The following CERS3 variants were observed in gnomAD, a reference collection of about 807,000 sequenced individuals.
CERS3 encodes the protein ceramide synthase 3.
Under a neutral mutation model 50.3 loss-of-function variants are expected in CERS3, and 33 were observed. That is an observed-to-expected ratio of 0.66 (90% confidence interval 0.50 to 0.88). CERS3 has a LOEUF of 0.88. Ranked by LOEUF, CERS3 falls within the 40% of genes least tolerant of loss-of-function variation. The probability of loss-of-function intolerance (pLI) is 0.00; values close to 1 mark genes in which losing one functional copy is unlikely to be tolerated. For synonymous variants in CERS3, 176 were observed against 155.2 expected, an observed-to-expected ratio of 1.13 and a Z score of -0.99; for missense variants, 470 against 460.3, an observed-to-expected ratio of 1.02 and a Z score of -0.19.
At chr15:100,516,306 C>T (rs890512702) in intron 2 of CERS3, among the ~76,000 whole-genome samples, 16 of 152,194 alleles carry the variant, frequency 1.1e-4, no homozygotes, top group Admixed American at 6.5e-4. Context: ...TGCCTAAAAA[C>T]TTTCGAGAGA....
Position 100,477,668 on chromosome 15 carries a change from C to T in CERS3, c.517-1490G>A, listed in dbSNP as rs368574371. On this transcript the variant is annotated intron_variant, in intron 7 of 11. Coordinates refer to ENST00000679737, the MANE Select transcript of CERS3 (RefSeq NM_001378789.1). The stretch of plus-strand genomic sequence containing the variant: ...ATACATATCATAAATTCTGCATATG[C>T]CAGTTTATAAGCAGTATGGAGCCCA... Among the ~76,000 whole-genome samples, 41 of 152,210 alleles carry T rather than the reference C, an allele frequency of 2.7e-4. No individual in the cohort carries two copies. The South Asian group carries it at 7.9e-3, about 29-fold the overall frequency.
At position 100,402,596 on chromosome 15, in the gene CERS3, G is replaced by T; in HGVS notation, c.*117C>A. 1.0e-6 allele frequency: 1 copy of T among 957,104 alleles called. No individual in the cohort carries two copies. The highest frequency in any genetic ancestry group is 1.5e-6 in the Non-Finnish European group (1 of 645,894). 59.3% of individuals were successfully genotyped at this position (957,104 alleles called of 1,614,324 possible). On this transcript the variant is annotated 3_prime_UTR_variant, in exon 12 of 12. Transcript: ENST00000679737. The stretch of plus-strand genomic sequence containing the variant: ...TGGTAAACACATCTTAGGTGGGAGG[G>T]AAGGCGGTGGTGAGAAAGAGGGAAG...
chr15:100,446,271 T>C (rs908821488), intron 11 of CERS3, among the ~76,000 whole-genome samples: 1 of 104,328 alleles, frequency 9.6e-6, no homozygotes, highest in Non-Finnish European at 1.9e-5. Flanking sequence ...TCAATGAAAG[T>C]TTTTTTTTTT....
chr15:100,494,205 C>T (rs1167650575), intron 3 of CERS3, among the ~76,000 whole-genome samples: 1 of 112,730 alleles, frequency 8.9e-6, no homozygotes, highest in African/African-American at 3.7e-5. Context: ...CACCTTTTTT[C>T]TTTTCATATA....
intron 8 of CERS3, among the ~76,000 whole-genome samples, chr15:100,474,695 G>A (rs183433847): frequency 1.1e-4 from 16 of 152,320 alleles, no homozygotes; most frequent in Admixed American, 7.8e-4. Context: ...GAGCCTCTGC[G>A]CCCAGCCTCA....
At chr15:100,445,044 C>T (rs1333825488) in intron 11 of CERS3, among the ~76,000 whole-genome samples, 1 of 151,790 alleles carries the variant, frequency 6.6e-6, no homozygotes, top group Non-Finnish European at 1.5e-5. Flanking sequence ...ACATACCTCA[C>T]CAAGCTCAGC....
upstream of CERS3, among the ~76,000 whole-genome samples, chr15:100,533,281 T>A (rs1472810236): frequency 2.0e-5 from 3 of 152,088 alleles, no homozygotes; most frequent in Non-Finnish European, 4.4e-5. Context: ...CTTATCTGCC[T>A]CTCCCCCACG....
chr15:100,436,795 T>C (rs982251681), intron 11 of CERS3, among the ~76,000 whole-genome samples: 5 of 152,116 alleles, frequency 3.3e-5, no homozygotes, highest in African/African-American at 1.2e-4. Context: ...AACATCCTAG[T>C]ATACTGTTTT....
At chr15:100,521,944 C>A (rs982702678) in intron 1 of CERS3, among the ~76,000 whole-genome samples, 188 bp from the exon 2 acceptor site, 1 of 152,140 alleles carries the variant, frequency 6.6e-6, no homozygotes, top group Non-Finnish European at 1.5e-5. Flanking sequence ...TGAGCCAACA[C>A]TGAAAATTCA....
At position 100,479,496 on chromosome 15, in the gene CERS3, A is replaced by T. The variant is rs774068070; in HGVS notation, c.466-18T>A. On this transcript the variant is annotated intron_variant, in intron 6 of 11. Coordinates refer to ENST00000679737, the MANE Select transcript of CERS3 (RefSeq NM_001378789.1). ...CAAGGTTTCTGAAAGAAGAAAAAAA[A>T]AAAGAGCCAACAGATGAGAAATAAA... is the stretch of plus-strand genomic sequence containing the variant. 2.5e-6 allele frequency: 4 copies of T among 1,584,530 alleles called. No individual in the cohort carries two copies. Among genetic ancestry groups the T allele is most frequent in the Non-Finnish European group, 3.4e-6 (4 of 1,170,626 alleles).
chr15:100,404,125 C>A (rs2030788494), intron 11 of CERS3, among the ~76,000 whole-genome samples: 1 of 152,192 alleles, frequency 6.6e-6, no homozygotes, highest in South Asian at 2.1e-4. Context: ...AAGCTAGAAG[C>A]AGCAAAGAAC....
At position 100,405,385 on chromosome 15, in the gene CERS3, C is replaced by G. The variant is rs544534037; in HGVS notation, c.1000-2520G>C. Among the ~76,000 whole-genome samples the G allele has an allele frequency of 4.2e-3, 645 of 152,110 alleles. 3 individuals carry two copies. Among genetic ancestry groups the G allele is most frequent in the Non-Finnish European group, 5.9e-3 (401 of 67,976 alleles). On this transcript the variant is annotated intron_variant, in intron 11 of 11. Transcript: ENST00000679737. Reference sequence around the variant, plus strand: ...GTCATTAGGAAAATGCAAATGGAAACCATGATGATGTACAACTACAAACCC... The same window carrying G: ...GTCATTAGGAAAATGCAAATGGAAAGCATGATGATGTACAACTACAAACCC...
In CERS3 at chr15:100,466,823, C is replaced by CT. The variant is rs1292941305; in HGVS notation, c.845+2554_845+2555insA. 2.8e-4 allele frequency among the ~76,000 whole-genome samples: 18 copies of CT among 65,386 alleles called. 2 individuals carry two copies. Among genetic ancestry groups the CT allele is most frequent in the Non-Finnish European group, 3.2e-4 (11 of 34,046 alleles). 42.9% of individuals were successfully genotyped at this position (65,386 alleles called of 152,430 possible). ...TCCCTCCCTCCCTCCCTCCCTCTCTCCCTCTCTCCCTCTCTCCCTCTCTCT... is the reference window on the plus strand; with the variant it reads ...TCCCTCCCTCCCTCCCTCCCTCTCTCTCCTCTCTCCCTCTCTCCCTCTCTCT... On this transcript the variant is annotated intron_variant, in intron 10 of 11. Transcript: ENST00000679737.
chr15:100,437,188 G>A lies in CERS3; in HGVS notation c.999+18705C>T, dbSNP rs141391475. Among the ~76,000 whole-genome samples, 112 of 151,982 alleles carry A rather than the reference G, an allele frequency of 7.4e-4. No individual in the cohort carries two copies. In the East Asian group the frequency reaches 0.016, roughly 22 times the overall value. ...TCTTGATCTCCTGACCTCGTGATCC[G>A]CCTGCCTTGGCCTCCCAAAGTGCTG... On this transcript the variant is annotated intron_variant, in intron 11 of 11. Transcript: ENST00000679737.
Position 100,542,136 on chromosome 15 carries a change from T to TA in CERS3, c.-355+2514dup, listed in dbSNP as rs59672037. Among the ~76,000 whole-genome samples, 1,368 of 151,752 alleles carry TA rather than the reference T, an allele frequency of 9.0e-3. 22 individuals are homozygous for TA. The highest frequency in any genetic ancestry group is 0.029 in the African/African-American group (1,215 of 41,434). ...AAGTGCTTCAACCTTTGCTCAAAAT[T>TA]AAAAAAAAATCTTTTATCAAAACTG... On this transcript the variant is annotated intron_variant, in intron 1 of 12. Transcript: ENST00000284382.
intron 10 of CERS3, among the ~76,000 whole-genome samples, chr15:100,465,424 T>C (rs976215185): frequency 6.6e-6 from 1 of 152,192 alleles, no homozygotes; most frequent in Non-Finnish European, 1.5e-5. Flanking sequence ...ATGAAGATGA[T>C]TGTGCTGGTG....
At chr15:100,431,231 T>G (rs2033115712) in intron 11 of CERS3, among the ~76,000 whole-genome samples, 1 of 152,222 alleles carries the variant, frequency 6.6e-6, no homozygotes, top group Non-Finnish European at 1.5e-5. Context: ...AACTTTGACT[T>G]CCTTAGTCTC....
chr15:100,513,334 C>A (rs2036400279), intron 2 of CERS3, among the ~76,000 whole-genome samples: 1 of 152,256 alleles, frequency 6.6e-6, no homozygotes, highest in South Asian at 2.1e-4. Context: ...AATGAGTCCA[C>A]CTCTGTCTGG....
chr15:100,447,788 C>T (rs566523506), intron 11 of CERS3, among the ~76,000 whole-genome samples: 47 of 152,254 alleles, frequency 3.1e-4, no homozygotes, highest in East Asian at 9.7e-4. Flanking sequence ...AGTTAGTTGC[C>T]GGTAGATGAA....
Sources: allele counts gnomAD v4.1 joint callset (sites outside exome capture counted in the v4.1 genomes callset), GRCh38; gene constraint gnomAD v4.1.1; transcripts MANE v1.5; gene names NCBI Gene and HGNC (gene_info 2026-07-23, HGNC 2026-07-21).